The following PAFAH1B1 variants were observed in gnomAD, a reference collection of about 807,000 sequenced individuals.
PAFAH1B1 encodes platelet-activating factor acetylhydrolase IB subunit beta.
In PAFAH1B1, 2 loss-of-function variants were observed where a neutral mutation model predicts 57.5. The observed-to-expected ratio is 0.03, with a 90% CI of 0.01 to 0.11. PAFAH1B1 has a LOEUF of 0.11. Ranked by LOEUF, PAFAH1B1 falls within the 10% of genes least tolerant of loss-of-function variation. The pLI is 1.00. For missense variants in PAFAH1B1, 257 were observed against 512.0 expected, an observed-to-expected ratio of 0.50 and a Z score of 4.81; for synonymous variants, 152 against 169.6, an observed-to-expected ratio of 0.90 and a Z score of 0.81.
chr17:2,637,074 C>T (rs2068634268), intron 1 of PAFAH1B1, among the ~76,000 whole-genome samples: 1 of 152,226 alleles, frequency 6.6e-6, no homozygotes. Context: ...TTCTCAGTGC[C>T]TGGAGCAGTG....
intron 1 of PAFAH1B1, among the ~76,000 whole-genome samples, chr17:2,637,392 G>C (rs1567539957): frequency 1.4e-5 from 2 of 146,522 alleles, no homozygotes; most frequent in Non-Finnish European, 3.0e-5. Context: ...TTTGAGACCA[G>C]CAATGTAGGG....
intron 2 of PAFAH1B1, 174 bp downstream of exon 2, chr17:2,638,494 A>G (rs1479434656): frequency 1.7e-6 from 1 of 580,974 alleles, no homozygotes; most frequent in Non-Finnish European, 3.1e-6. Flanking sequence ...ATGATATAGC[A>G]TTATTTTTAA....
At chr17:2,679,309 G>T (rs2151672441) in intron 9 of PAFAH1B1, among the ~76,000 whole-genome samples, 1 of 152,324 alleles carries the variant, frequency 6.6e-6, no homozygotes, top group Middle Eastern at 3.4e-3. Context: ...GAACAGAACT[G>T]CTGCGACAGG....
intron 2 of PAFAH1B1, among the ~76,000 whole-genome samples, chr17:2,651,976 A>G (rs2068856291): frequency 6.6e-6 from 1 of 152,194 alleles, no homozygotes; most frequent in Non-Finnish European, 1.5e-5. Context: ...TAAAAATCTC[A>G]GCCTCCCCCT....
In PAFAH1B1 at chr17:2,684,367, A is replaced by G. The variant is rs900577192; in HGVS notation, c.*2565A>G. 1 of 152,686 alleles carries G rather than the reference A, an allele frequency of 6.5e-6. No individual in the cohort carries two copies. The highest frequency in any genetic ancestry group is 2.4e-5 in the African/African-American group (1 of 41,456). 9.5% of individuals were successfully genotyped at this position (152,686 alleles called of 1,614,324 possible). ...TCTAACCCTGTGCCTTGCCTGGGAT[A>G]AGGACAATGATGAGGTTACTGGTTT... On this transcript the variant is annotated 3_prime_UTR_variant, in exon 11 of 11. Coordinates refer to ENST00000397195, the MANE Select transcript of PAFAH1B1 (RefSeq NM_000430.4).
intron 2 of PAFAH1B1, among the ~76,000 whole-genome samples, chr17:2,658,325 A>G (rs571070395): frequency 7.2e-5 from 11 of 152,360 alleles, no homozygotes; most frequent in Admixed American, 2.0e-4. Context: ...AAGGGTAAAG[A>G]GGGAAACACA....
chr17:2,610,858 A>G (rs575496114), intron 1 of PAFAH1B1, among the ~76,000 whole-genome samples: 1 of 152,218 alleles, frequency 6.6e-6, no homozygotes, highest in Non-Finnish European at 1.5e-5. Context: ...ATCACATCAC[A>G]TGAGTCAGTC....
Position 2,685,491 on chromosome 17 carries a change from GCT to G in PAFAH1B1, c.*3693_*3694del, listed in dbSNP as rs2069462085. On this transcript the variant is annotated 3_prime_UTR_variant, in exon 11 of 11. Coordinates refer to ENST00000397195, the MANE Select transcript of PAFAH1B1 (RefSeq NM_000430.4). ...TCAGTAAAGGAATGTATATAATATTGCTCTCGTGTTTTACAGTAAGATTTGTT... is the reference window on the plus strand; with the variant it reads ...TCAGTAAAGGAATGTATATAATATTGCTCGTGTTTTACAGTAAGATTTGTT... 1 of 152,522 alleles carries G rather than the reference GCT, an allele frequency of 6.6e-6. No individual in the cohort carries two copies. Among genetic ancestry groups the G allele is most frequent in the South Asian group, 2.1e-4 (1 of 4,828 alleles). The allele number at this position is 152,522 out of a possible 1,614,324, so 9.4% of individuals were successfully genotyped here.
intron 2 of PAFAH1B1, among the ~76,000 whole-genome samples, chr17:2,647,921 G>A (rs2068790169): frequency 2.0e-5 from 3 of 151,764 alleles, no homozygotes; most frequent in African/African-American, 7.3e-5. Flanking sequence ...GGAGAATGGG[G>A]TGAACCCGGG....
intron 1 of PAFAH1B1, chr17:2,613,268 C>G (rs1329853166): frequency 5.1e-6 from 1 of 194,598 alleles, no homozygotes; most frequent in East Asian, 1.2e-4. Flanking sequence ...CCCCACCCAC[C>G]CCTGGCCACT....
At chr17:2,609,775 G>C (rs2068246137) in intron 1 of PAFAH1B1, among the ~76,000 whole-genome samples, 2 of 151,172 alleles carry the variant, frequency 1.3e-5, no homozygotes, top group African/African-American at 2.4e-5. Context: ...CTCCCAAAGT[G>C]CTGGGATTAC....
At chr17:2,604,888 G>A (rs1441134873) in intron 1 of PAFAH1B1, among the ~76,000 whole-genome samples, 3 of 152,166 alleles carry the variant, frequency 2.0e-5, no homozygotes, top group Admixed American at 1.3e-4. Context: ...ACAGAAGCAT[G>A]AGAAACTATT....
chr17:2,665,190 CAG>C lies in PAFAH1B1; in HGVS notation c.33-181_33-180del, dbSNP rs112251814. Among the ~76,000 whole-genome samples the C allele has an allele frequency of 0.015, 2,259 of 152,142 alleles. 64 individuals carry two copies. Among genetic ancestry groups the C allele is most frequent in the African/African-American group, 0.051 (2,132 of 41,510 alleles). ...ATATAATATTATGGATGTAGTATGACAGGGGCTAAAAGTTCTGGAGGCTTTGC... is the reference window on the plus strand; with the variant it reads ...ATATAATATTATGGATGTAGTATGACGGGCTAAAAGTTCTGGAGGCTTTGC... On this transcript the variant is annotated intron_variant, in intron 2 of 10. Coordinates refer to ENST00000397195, the MANE Select transcript of PAFAH1B1 (RefSeq NM_000430.4).
At chr17:2,671,583 C>A (rs1253983052) in intron 6 of PAFAH1B1, among the ~76,000 whole-genome samples, 2 of 144,602 alleles carry the variant, frequency 1.4e-5, no homozygotes, top group Admixed American at 6.9e-5. Context: ...TTTTTTTTTA[C>A]CCCCAACACC....
chr17:2,650,377 C>T (rs1373764254), intron 2 of PAFAH1B1, among the ~76,000 whole-genome samples: 6 of 151,872 alleles, frequency 4.0e-5, no homozygotes, highest in South Asian at 2.1e-4. Context: ...CCAGACGTGG[C>T]GGTGTGCACC....
chr17:2,643,798 A>C (rs1341438096), intron 2 of PAFAH1B1, among the ~76,000 whole-genome samples: 1 of 151,962 alleles, frequency 6.6e-6, no homozygotes, highest in Non-Finnish European at 1.5e-5. Flanking sequence ...TGACCTCAAC[A>C]GATCACCTGC....
Position 2,685,378 on chromosome 17 carries a change from G to T in PAFAH1B1, c.*3576G>T, listed in dbSNP as rs142890796. On this transcript the variant is annotated 3_prime_UTR_variant, in exon 11 of 11. Coordinates refer to ENST00000397195, the MANE Select transcript of PAFAH1B1 (RefSeq NM_000430.4). ...TGACATGAAGGCAAGCCTTGATTTC[G>T]TATGAACGTTGCTGAAGTGGTAATT... 1 of 152,654 alleles carries T rather than the reference G, an allele frequency of 6.6e-6. No homozygotes were observed. Among genetic ancestry groups the T allele is most frequent in the East Asian group, 1.9e-4 (1 of 5,182 alleles). The allele number at this position is 152,654 out of a possible 1,614,324, so 9.5% of individuals were successfully genotyped here. A position where few individuals can be genotyped will look rare whatever the true frequency, so the allele number is the denominator to read the frequency against.
At chr17:2,624,627 C>G (rs1478165308) in intron 1 of PAFAH1B1, among the ~76,000 whole-genome samples, 1 of 152,158 alleles carries the variant, frequency 6.6e-6, no homozygotes, top group Non-Finnish European at 1.5e-5. Context: ...AGACTGGCCC[C>G]GTGATTCAGT....
At chr17:2,638,777 G>A (rs905106432) in intron 2 of PAFAH1B1, 21 of 175,126 alleles carry the variant, frequency 1.2e-4, no homozygotes, top group Non-Finnish European at 2.0e-4. Flanking sequence ...CAAAGTGCTG[G>A]GATTACAGGC....
Sources: gnomAD v4.1 joint callset for allele counts (sites outside exome capture counted in the v4.1 genomes callset) on GRCh38, gnomAD v4.1.1 for gene constraint, MANE v1.5 for transcripts, NCBI Gene and HGNC (gene_info 2026-07-23, HGNC 2026-07-21) for gene names.